ACTR8: variants seen among roughly 807,000 people sequenced by gnomAD.
The protein encoded by ACTR8 is actin-related protein 8.
ACTR8 carries 70 observed loss-of-function variants against 84.3 expected under a neutral mutation model. The observed-to-expected ratio is 0.83, with a 90% CI of 0.68 to 1.01. The LOEUF (loss-of-function observed/expected upper bound fraction) is 1.01. Ranked by LOEUF, ACTR8 falls within the 50% of genes least tolerant of loss-of-function variation. The pLI is 0.00. For missense variants in ACTR8, 672 were observed against 775.4 expected, an observed-to-expected ratio of 0.87 and a Z score of 1.58; for synonymous variants, 268 against 275.2, an observed-to-expected ratio of 0.97 and a Z score of 0.26.
At chr3:53,880,257 C>G in intron 1 of ACTR8, 148 bp from the exon 2 acceptor site, 1 of 765,108 alleles carries the variant, frequency 1.3e-6, no homozygotes, top group Non-Finnish European at 2.1e-6. Flanking sequence ...ATCCAATTAC[C>G]GCTCTCTACC....
chr3:53,869,843 CTGAAAT>C, intron 12 of ACTR8, 133 bp downstream of exon 12: 2 of 1,004,208 alleles, frequency 2.0e-6, no homozygotes, highest in Non-Finnish European at 2.8e-6. Context: ...CTATGGCTTG[CTGAAAT>C]TAACTTTTCC....
chr3:53,872,270 A>G (rs551893536), intron 10 of ACTR8, 114 bp downstream of exon 10: 60 of 1,166,620 alleles, frequency 5.1e-5, no homozygotes, highest in Middle Eastern at 4.3e-4. Context: ...TCTAAAAGCT[A>G]TATCAGTGTT....
At chr3:53,881,907 G>T in intron 1 of ACTR8, 72 bp downstream of exon 1, 1 of 1,546,130 alleles carries the variant, frequency 6.5e-7, no homozygotes, top group Non-Finnish European at 8.7e-7. Context: ...GCCTCCCGCC[G>T]CCTCCCGCCC....
the ACTR8 span, chr3:53,860,085 G>C: frequency 6.4e-6 from 8 of 1,243,008 alleles, no homozygotes; most frequent in African/African-American, 8.9e-5. Context: ...TAAGAGATAA[G>C]TGTGGATTTG....
intron 1 of ACTR8, 181 bp downstream of exon 1, chr3:53,881,798 C>T (rs535924189): frequency 4.0e-6 from 4 of 1,001,056 alleles, no homozygotes; most frequent in Non-Finnish European, 4.3e-6. Context: ...CGCTCCGCAC[C>T]TCCCAGCCCT....
In ACTR8 at chr3:53,878,463, G is replaced by C. The variant is rs1248219071; in HGVS notation, c.299C>G (p.Pro100Arg). 6.3e-7 allele frequency: 1 copy of C among 1,599,302 alleles called. No homozygotes were observed. The highest frequency in any genetic ancestry group is 8.6e-7 in the Non-Finnish European group (1 of 1,169,580). The change falls in exon 3 of 13, where the codon CCA (proline) becomes CGA (arginine). Residue 100 changes from proline to arginine, a missense_variant. Physicochemically the swap from Pro to Arg is moderately radical, Grantham distance 103. Transcript: ENST00000335754. ...ATTTTGTCTTTGTTCATTACTTTCT[G>C]GTTTCTGGGGAAAAAATGAAAGATG... is the stretch of plus-strand genomic sequence containing the variant. ...SWLLREGLNK[P>R]ESNEQRQNGL...
chr3:53,871,357 A>C lies in ACTR8; in HGVS notation c.1442T>G (p.Leu481Arg). 1 of 1,614,258 alleles carries C rather than the reference A, an allele frequency of 6.2e-7. No individual in the cohort carries two copies. Among genetic ancestry groups the C allele is most frequent in the Non-Finnish European group, 8.5e-7 (1 of 1,180,036 alleles). Residue 481 changes from leucine (L) to arginine (R), a missense_variant, in exon 11 of 13, where the codon CTG (leucine) becomes CGG (arginine). Physicochemically the swap from Leu to Arg is moderately radical, Grantham distance 102 (BLOSUM62 -2). Transcript: ENST00000335754. The part of the protein sequence containing the change: ...VDLGSAQGDG[L>R]MAGNDSEEAL... ...CTCCTCGGAATCGTTGCCGGCCATC[A>C]GGCCATCTCCCTGTGCAGACCCCAA...
rs1576867730 is a variant in ACTR8 at position 53,878,275 on chromosome 3, T to C, written c.405+82A>G. 8 of 1,035,818 alleles carry C rather than the reference T, an allele frequency of 7.7e-6. No individual in the cohort carries two copies. The Admixed American group carries it at 1.5e-4, about 19-fold the overall frequency. 64.2% of individuals were successfully genotyped at this position (1,035,818 alleles called of 1,614,324 possible). A position where few individuals can be genotyped will look rare whatever the true frequency, so the allele number is the denominator to read the frequency against. Reference sequence around the variant, plus strand: ...AAGGAACTCCCATCTTGTATTTGCATAGTGGTATAGGAAGAACATGTGAAT... The same window carrying C: ...AAGGAACTCCCATCTTGTATTTGCACAGTGGTATAGGAAGAACATGTGAAT... On this transcript the variant is annotated intron_variant, in intron 3 of 12. Transcript: ENST00000335754.
chr3:53,876,586 T>C (rs1699977119), intron 6 of ACTR8, 34 bp downstream of exon 6: 9 of 1,208,106 alleles, frequency 7.4e-6, no homozygotes, highest in African/African-American at 1.5e-5. Context: ...GAAAATTCCA[T>C]TTAAAATAGG....
rs1699818393 is a variant in ACTR8, at chr3:53,867,916, A to G, written c.*803T>C. On this transcript the variant is annotated 3_prime_UTR_variant, in exon 13 of 13. Transcript: ENST00000335754. ...GAGGCTTGATGACTAAGTTGGTAGT[A>G]TTAATAACTACATCAGTCACCATAT... The G allele has an allele frequency of 6.6e-6, 1 of 152,238 alleles. No homozygotes were observed. Among genetic ancestry groups the G allele is most frequent in the Non-Finnish European group, 1.5e-5 (1 of 68,044 alleles). The allele number at this position is 152,238 out of a possible 1,614,324, so 9.4% of individuals were successfully genotyped here.
chr3:53,871,061 C>A, intron 11 of ACTR8, 171 bp downstream of exon 11: 3 of 935,172 alleles, frequency 3.2e-6, no homozygotes, highest in Admixed American at 5.8e-5. Context: ...GGCTATAAAC[C>A]CATCCTACTT....
rs997631529 is a variant in ACTR8, at chr3:53,870,482, C to A, written c.1568-337G>T. Among the ~76,000 whole-genome samples, 2 of 152,098 alleles carry A rather than the reference C, an allele frequency of 1.3e-5. No homozygotes were observed. The highest frequency in any genetic ancestry group is 2.9e-5 in the Non-Finnish European group (2 of 68,032). On this transcript the variant is annotated intron_variant, in intron 11 of 12. Coordinates refer to ENST00000335754, the MANE Select transcript of ACTR8 (RefSeq NM_022899.5). The surrounding 1 kb of genome is among the most constrained non-coding windows in gnomAD (Gnocchi z 4.1). Reference sequence around the variant, plus strand: ...CCTGGCCAACATAGTGAAACCCTGTCTCTACTAAAAATACAAAAAGTAGCC... The same window carrying A: ...CCTGGCCAACATAGTGAAACCCTGTATCTACTAAAAATACAAAAAGTAGCC...
chr3:53,880,951 T>C (rs576206190), intron 1 of ACTR8, among the ~76,000 whole-genome samples: 29 of 152,352 alleles, frequency 1.9e-4, no homozygotes, highest in African/African-American at 7.0e-4. Flanking sequence ...TGCCATGCTC[T>C]GATACCTGTT....
At chr3:53,874,399 G>T in intron 7 of ACTR8, 35 bp from the exon 8 acceptor site, 1 of 1,599,020 alleles carries the variant, frequency 6.3e-7, no homozygotes, top group South Asian at 1.1e-5. Flanking sequence ...TGGTTAATCT[G>T]TTGGTTAAGA....
Position 53,872,520 on chromosome 3 carries a change from G to A in ACTR8, c.1166C>T (p.Pro389Leu). The A allele has an allele frequency of 6.2e-7, 1 of 1,601,452 alleles. No homozygotes were observed. The highest frequency in any genetic ancestry group is 2.3e-5 in the East Asian group (1 of 44,186). The change falls in exon 10 of 13, where the codon CCA (proline) becomes CTA (leucine). Residue 389 changes from proline to leucine, a missense_variant. Coordinates refer to ENST00000335754, the MANE Select transcript of ACTR8 (RefSeq NM_022899.5). ...FRLGDEKLQA[P>L]MALFYPATFG... is the part of the protein sequence containing the mutation. ...AGTTGCGGGGTAAAACAAAGCCATT[G>A]GAGCCTGTACATGAAGAAAAAGAGT...
Position 53,870,231 on chromosome 3 carries a change from G to A in ACTR8, c.1568-86C>T. On this transcript the variant is annotated intron_variant, in intron 11 of 12. Coordinates refer to ENST00000335754, the MANE Select transcript of ACTR8 (RefSeq NM_022899.5). The surrounding 1 kb of genome is among the most constrained non-coding windows in gnomAD (Gnocchi z 4.1). Reference sequence around the variant, plus strand: ...CCACCAACACCTCTTGCTTGAGCAAGTGCAATAGCCTTCTCAAAGATTTCC... The same window carrying A: ...CCACCAACACCTCTTGCTTGAGCAAATGCAATAGCCTTCTCAAAGATTTCC... 1 of 1,476,640 alleles carries A rather than the reference G, an allele frequency of 6.8e-7. No individual in the cohort carries two copies. Among genetic ancestry groups the A allele is most frequent in the South Asian group, 1.3e-5 (1 of 79,072 alleles). 91.5% of individuals were successfully genotyped at this position (1,476,640 alleles called of 1,614,324 possible). A position where few individuals can be genotyped will look rare whatever the true frequency, so the allele number is the denominator to read the frequency against.
chr3:53,861,287 C>CAAA, the ACTR8 span: 1 of 148,150 alleles, frequency 6.7e-6, no homozygotes, highest in African/African-American at 2.5e-5. Context: ...TGAAAAAAAG[C>CAAA]AAAAAAAACT....
At chr3:53,881,910 T>C in intron 1 of ACTR8, 69 bp downstream of exon 1, 1 of 1,546,252 alleles carries the variant, frequency 6.5e-7, no homozygotes, top group Non-Finnish European at 8.7e-7. Context: ...TCCCGCCGCC[T>C]CCCGCCCCTT....
downstream of ACTR8, among the ~76,000 whole-genome samples, chr3:53,862,171 C>G (rs1375906170): frequency 6.6e-6 from 1 of 152,110 alleles, no homozygotes; most frequent in Non-Finnish European, 1.5e-5. Flanking sequence ...TTGGACAATG[C>G]CCCCAGCCAC....
Sources: gnomAD v4.1 joint callset for allele counts (sites outside exome capture counted in the v4.1 genomes callset) on GRCh38, gnomAD v4.1.1 for gene constraint, Gnocchi (gnomAD v3.1) non-coding constraint, MANE v1.5 for transcripts, NCBI Gene and HGNC (gene_info 2026-07-23, HGNC 2026-07-21) for gene names.